DBR1: variants seen among roughly 807,000 people sequenced by gnomAD.
The protein encoded by DBR1 is debranching RNA lariats 1.
Under a neutral mutation model 45.9 loss-of-function variants are expected in DBR1, and 33 were observed. The observed-to-expected ratio is 0.72, with a 90% CI of 0.55 to 0.96. The LOEUF (loss-of-function observed/expected upper bound fraction) is 0.96. Ranked by LOEUF, DBR1 falls within the 40% of genes least tolerant of loss-of-function variation. DBR1 has a pLI of 0.00. For synonymous variants in DBR1, 235 were observed against 235.9 expected (o/e 1.00, Z 0.04); for missense variants, 619 against 667.4 (o/e 0.93, Z 0.80).
rs895631295 is a variant in DBR1, at chr3:138,166,963, G to T, written c.714+118C>A. The T allele has an allele frequency of 5.7e-6, 5 of 869,970 alleles. No homozygotes were observed. The African/African-American group carries it at 8.5e-5, about 15-fold the overall frequency. 53.9% of individuals were successfully genotyped at this position (869,970 alleles called of 1,614,324 possible). A position where few individuals can be genotyped will look rare whatever the true frequency, so the allele number is the denominator to read the frequency against. Reference sequence around the variant, plus strand: ...CTTGTCTTTCCCAGAATCATATATTGAGCTACTCACAAGAGGTAAGTTATC... The same window carrying T: ...CTTGTCTTTCCCAGAATCATATATTTAGCTACTCACAAGAGGTAAGTTATC... On this transcript the variant is annotated intron_variant, in intron 5 of 7. Coordinates refer to ENST00000260803, the MANE Select transcript of DBR1 (RefSeq NM_016216.4).
rs528249507 is a variant in DBR1 at position 138,174,851 on chromosome 3, C to T, written c.-56G>A. The T allele has an allele frequency of 1.1e-5, 17 of 1,544,660 alleles. No individual in the cohort carries two copies. Among genetic ancestry groups the T allele is most frequent in the Middle Eastern group, 4.4e-4 (2 of 4,510 alleles). On this transcript the variant is annotated 5_prime_UTR_variant, in exon 1 of 8. Transcript: ENST00000260803. ...GCAACGCCCTACACCACAGCCAGCC[C>T]AGGACCGACTGATCGCTCAGCTCCC...
chr3:138,173,537 T>C lies in DBR1; in HGVS notation c.287A>G (p.Tyr96Cys), dbSNP rs750982467. ...EASNHLQELP[Y>C]GGWVAPNIYY... The stretch of plus-strand genomic sequence containing the variant: ...AATGTTTGGTGCCACCCAGCCACCA[T>C]AGGGTAACTCTTGCAAATGATTTGA... Residue 96 changes from tyrosine to cysteine, a missense_variant, in exon 2 of 8, where the codon TAT (tyrosine) becomes TGT (cysteine). Tyr to Cys is a radical substitution (Grantham distance 194). Around this residue, in one of 3 missense-constraint regions of DBR1, gnomAD observed 430 missense variants for 447.7 expected, o/e 0.96. Transcript: ENST00000260803. 8 of 1,614,056 alleles carry C rather than the reference T, an allele frequency of 5.0e-6. No homozygotes were observed. Among genetic ancestry groups the C allele is most frequent in the African/African-American group, 2.7e-5 (2 of 75,050 alleles).
Position 138,162,526 on chromosome 3 carries a change from T to C in DBR1, c.998A>G (p.His333Arg). The C allele has an allele frequency of 1.9e-6, 3 of 1,613,478 alleles. No individual in the cohort carries two copies. Among genetic ancestry groups the C allele is most frequent in the Admixed American group, 1.7e-5 (1 of 60,026 alleles). Residue 333 changes from histidine (H) to arginine (R), a missense_variant, in exon 8 of 8, where the codon CAT (histidine) becomes CGT (arginine). By Grantham distance (29) the His-to-Arg change is conservative (BLOSUM62 0). Around this residue, in one of 3 missense-constraint regions of DBR1, gnomAD observed 430 missense variants for 447.7 expected, o/e 0.96. Coordinates refer to ENST00000260803, the MANE Select transcript of DBR1 (RefSeq NM_016216.4). ...AAAGTTACATGGAACCTTGAGATCA[T>C]GATTCAATTTTTCCAATACTTCTTT... ...GMKEVLEKLN[H>R]DLKVPCNFSV...
At chr3:138,165,694 A>G (rs1353953003) in intron 5 of DBR1, among the ~76,000 whole-genome samples, 2 of 146,896 alleles carry the variant, frequency 1.4e-5, no homozygotes, top group African/African-American at 2.7e-5. Flanking sequence ...GCGCCACTGC[A>G]CTCCAGCCTG....
rs528121939 is a variant in DBR1, at chr3:138,168,688, G to A, written c.490-1383C>T. ...GAAGTCATGGCTGGCTGGGCATGGT[G>A]GCTCATGCCTGTAATCCCAGCACTT... On this transcript the variant is annotated intron_variant, in intron 4 of 7. Transcript: ENST00000260803. Among the ~76,000 whole-genome samples, 138 of 152,240 alleles carry A rather than the reference G, an allele frequency of 9.1e-4. No individual in the cohort carries two copies. The Middle Eastern group carries it at 0.014, about 15-fold the overall frequency.
At chr3:138,173,437 A>G in intron 2 of DBR1, 65 bp downstream of exon 2, 1 of 1,557,820 alleles carries the variant, frequency 6.4e-7, no homozygotes, top group East Asian at 2.3e-5. Context: ...CAGTCCAACT[A>G]ACGCAAATCC....
chr3:138,162,185 T>C lies in DBR1; in HGVS notation c.1339A>G (p.Met447Val). 3 of 1,614,230 alleles carry C rather than the reference T, an allele frequency of 1.9e-6. No individual in the cohort carries two copies. Among genetic ancestry groups the C allele is most frequent in the Non-Finnish European group, 2.5e-6 (3 of 1,180,046 alleles). The change falls in exon 8 of 8, where the codon ATG (methionine) becomes GTG (valine). Residue 447 changes from methionine to valine, a missense_variant. Around this residue, in one of 3 missense-constraint regions of DBR1, gnomAD observed 182 missense variants for 196.1 expected, o/e 0.93. Coordinates refer to ENST00000260803, the MANE Select transcript of DBR1 (RefSeq NM_016216.4). ...EDSIVSAHSGMNTPSVEPSDQ... is the reference protein window; with the variant it reads ...EDSIVSAHSGVNTPSVEPSDQ... ...GAAGGTTCTACCGATGGTGTATTCATGCCACTATGTGCACTTACAATACTA... is the reference window on the plus strand; with the variant it reads ...GAAGGTTCTACCGATGGTGTATTCACGCCACTATGTGCACTTACAATACTA...
At chr3:138,172,814 T>C (rs1295680852) in intron 2 of DBR1, among the ~76,000 whole-genome samples, 4 of 152,174 alleles carry the variant, frequency 2.6e-5, no homozygotes, top group Non-Finnish European at 5.9e-5. Context: ...TATTTTAGTC[T>C]AATAGACTTC....
chr3:138,168,198 G>A (rs747835342), intron 4 of DBR1, among the ~76,000 whole-genome samples: 2 of 152,034 alleles, frequency 1.3e-5, no homozygotes, highest in African/African-American at 4.8e-5. Flanking sequence ...AATCTGAAAC[G>A]AATACTTGAA....
rs2042908541 is a variant in DBR1 at position 138,161,807 on chromosome 3, T to C, written c.*82A>G. ...GTTGCGGTGAGCCGAGATCACGCCA[T>C]TGCACTCCAGTCTAGGTGACAAGAG... On this transcript the variant is annotated 3_prime_UTR_variant, in exon 8 of 8. Transcript: ENST00000260803. 4 of 1,127,826 alleles carry C rather than the reference T, an allele frequency of 3.5e-6. No homozygotes were observed. The South Asian group carries it at 4.1e-5, about 12-fold the overall frequency. The allele number at this position is 1,127,826 out of a possible 1,614,324, so 69.9% of individuals were successfully genotyped here. A position where few individuals can be genotyped will look rare whatever the true frequency, so the allele number is the denominator to read the frequency against.
At chr3:138,163,942 T>A in intron 5 of DBR1, 84 bp from the exon 6 acceptor site, 1 of 984,914 alleles carries the variant, frequency 1.0e-6, no homozygotes, top group South Asian at 1.4e-5. Context: ...ATGAAAATAA[T>A]CTTTATCACA....
intron 3 of DBR1, 183 bp downstream of exon 3, chr3:138,171,447 CATG>C (rs1197623662): frequency 2.3e-6 from 1 of 440,492 alleles, no homozygotes; most frequent in Non-Finnish European, 3.8e-6. Context: ...TGCACTCCAT[CATG>C]GACACCAAGA....
chr3:138,165,768 A>C (rs1161848011), intron 5 of DBR1, among the ~76,000 whole-genome samples: 1 of 152,196 alleles, frequency 6.6e-6, no homozygotes, highest in Non-Finnish European at 1.5e-5. Flanking sequence ...GATTATAGGC[A>C]GATATTGGCA....
chr3:138,169,562 G>A (rs949644904), intron 4 of DBR1, among the ~76,000 whole-genome samples: 30 of 151,316 alleles, frequency 2.0e-4, no homozygotes, highest in African/African-American at 7.3e-4. Flanking sequence ...GTATTCTTTA[G>A]CCTTAACCTA....
intron 4 of DBR1, among the ~76,000 whole-genome samples, chr3:138,168,692 C>T (rs921136771): frequency 2.0e-5 from 3 of 151,936 alleles, no homozygotes; most frequent in Non-Finnish European, 4.4e-5. Flanking sequence ...CATGGTGGCT[C>T]ATGCCTGTAA....
rs373690846 is a variant in DBR1, at chr3:138,167,162, T to G, written c.633A>C (p.Ser211=). The G allele has an allele frequency of 3.1e-5, 50 of 1,614,078 alleles. No homozygotes were observed. The highest frequency in any genetic ancestry group is 4.2e-5 in the Non-Finnish European group (50 of 1,180,032). The change falls in exon 5 of 8, where the codon TCA becomes TCC. Residue 211 remains serine, a synonymous_variant. Coordinates refer to ENST00000260803, the MANE Select transcript of DBR1 (RefSeq NM_016216.4). ...ENNTLGSPAA[S]ELLEHLKPTY... is the part of the protein sequence containing the mutation. ...TAGGTTTGAGATGCTCTAAAAGCTC[T>G]GAGGCAGCTGGACTTCCTAATGTGT...
intron 5 of DBR1, among the ~76,000 whole-genome samples, chr3:138,164,588 A>G (rs1045645493): frequency 6.6e-6 from 1 of 152,188 alleles, no homozygotes; most frequent in Non-Finnish European, 1.5e-5. Context: ...TGATATTAGC[A>G]CAACTCTGGA....
rs1407044043 is a variant in DBR1 at position 138,163,772 on chromosome 3, T to A, written c.795+6A>T. 1 of 1,606,576 alleles carries A rather than the reference T, an allele frequency of 6.2e-7. No homozygotes were observed. On this transcript the variant is annotated splice_donor_region_variant and intron_variant, in intron 6 of 7. Transcript: ENST00000260803. ...CTATATTATAAAGCCACTTCACTCT[T>A]CTTACCTGAAGAAAATCTCTATGTG...
chr3:138,170,065 T>G (rs2042947527), intron 4 of DBR1, 42 bp downstream of exon 4: 1 of 1,262,998 alleles, frequency 7.9e-7, no homozygotes. Context: ...CAGAATTACT[T>G]TAAAATGTTT....
Sources: allele counts gnomAD v4.1 joint callset (sites outside exome capture counted in the v4.1 genomes callset), GRCh38; gene constraint gnomAD v4.1.1; regional missense constraint gnomAD v4.1.1; transcripts MANE v1.5; gene names NCBI Gene and HGNC (gene_info 2026-07-23, HGNC 2026-07-21).